The following EVA1A variants were observed in gnomAD, a reference collection of about 807,000 sequenced individuals.
The protein encoded by EVA1A is eva-1 homolog A, regulator of programmed cell death.
In EVA1A, 7 loss-of-function variants were observed where a neutral mutation model predicts 9.8. The observed-to-expected ratio is 0.71, with a 90% CI of 0.41 to 1.34. EVA1A has a LOEUF of 1.34. Among genes scored for constraint, EVA1A ranks in the 40% most tolerant of loss-of-function variants. The probability of loss-of-function intolerance (pLI) is 0.01; values close to 1 mark genes in which losing one functional copy is unlikely to be tolerated. For synonymous variants in EVA1A, 90 were observed against 85.6 expected, an observed-to-expected ratio of 1.05 and a Z score of -0.28; for missense variants, 206 against 205.9, an observed-to-expected ratio of 1.00 and a Z score of 0.00.
intron 1 of EVA1A, among the ~76,000 whole-genome samples, chr2:75,544,244 C>G (rs1274382439): frequency 1.3e-5 from 2 of 152,160 alleles, no homozygotes; most frequent in East Asian, 3.8e-4. Flanking sequence ...CTACCATCAC[C>G]CTGGCCCCCT....
chr2:75,499,855 G>C (rs147992804), intron 3 of EVA1A, among the ~76,000 whole-genome samples: 2 of 152,168 alleles, frequency 1.3e-5, no homozygotes, highest in Non-Finnish European at 2.9e-5. Flanking sequence ...CTGCTCGGCC[G>C]TACTCGAGAT....
intron 1 of EVA1A, among the ~76,000 whole-genome samples, chr2:75,568,707 A>G (rs1185964996): frequency 1.3e-5 from 2 of 152,194 alleles, no homozygotes; most frequent in Non-Finnish European, 2.9e-5. Flanking sequence ...AAGAGCATAC[A>G]ATATTTGGTT....
intron 1 of EVA1A, among the ~76,000 whole-genome samples, chr2:75,529,650 T>G (rs1675574564): frequency 1.3e-5 from 2 of 152,226 alleles, no homozygotes. Flanking sequence ...TGAATGATCT[T>G]TGGGTCAACG....
chr2:75,523,973 G>C (rs1193211623), intron 1 of EVA1A: 1 of 152,082 alleles, frequency 6.6e-6, no homozygotes, highest in East Asian at 1.9e-4. Flanking sequence ...TTGAATCATG[G>C]GGCAGTTACC....
At chr2:75,537,049 C>T (rs6754778) in intron 1 of EVA1A, among the ~76,000 whole-genome samples, 34,542 of 151,954 alleles carry the variant, frequency 0.23, 4,129 homozygotes, top group East Asian at 0.29. Flanking sequence ...AAAATAAAAA[C>T]AATCCTTAGC....
At chr2:75,517,505 C>T (rs1452766693) in intron 3 of EVA1A, among the ~76,000 whole-genome samples, 1 of 152,172 alleles carries the variant, frequency 6.6e-6, no homozygotes, top group Non-Finnish European at 1.5e-5. Context: ...AGGAGAAAAT[C>T]AGCCATCTTA....
chr2:75,517,905 CCTTTCATCT>C, intron 3 of EVA1A, 142 bp downstream of exon 3: 1 of 876,216 alleles, frequency 1.1e-6, no homozygotes. Context: ...AACCTGGAGA[CCTTTCATCT>C]CAAAGCTCAG....
At chr2:75,559,037 C>T (rs1676822434) in intron 1 of EVA1A, among the ~76,000 whole-genome samples, 1 of 152,138 alleles carries the variant, frequency 6.6e-6, no homozygotes, top group Admixed American at 6.5e-5. Context: ...ATCAGCCAAA[C>T]TAGAGCAGAT....
chr2:75,524,187 C>G (rs1675333748), intron 1 of EVA1A: 1 of 152,160 alleles, frequency 6.6e-6, no homozygotes, highest in African/African-American at 2.4e-5. Flanking sequence ...TATAAATTAC[C>G]CAGTCACGGG....
At chr2:75,546,848 A>G (rs1234122675) in intron 1 of EVA1A, among the ~76,000 whole-genome samples, 2 of 151,432 alleles carry the variant, frequency 1.3e-5, no homozygotes, top group Non-Finnish European at 2.9e-5. Flanking sequence ...AAATTTGGAC[A>G]CAGACACACA....
At chr2:75,555,336 T>TCTCTCTCTCTCTCTCTCTCTCTCTCTCCC (rs766586263) in intron 1 of EVA1A, among the ~76,000 whole-genome samples, 1 of 102,850 alleles carries the variant, frequency 9.7e-6, no homozygotes, top group Non-Finnish European at 2.2e-5. Context: ...TCTCTCTCTC[T>TCTCTCTCTCTCTCTCTCTCTCTCTCTCCC]CCCCCATCTC....
chr2:75,547,529 G>A (rs1038681014), intron 1 of EVA1A, among the ~76,000 whole-genome samples: 5 of 152,166 alleles, frequency 3.3e-5, no homozygotes, highest in Non-Finnish European at 5.9e-5. Context: ...TCCCAGATGT[G>A]CGCATGATTC....
intron 1 of EVA1A, among the ~76,000 whole-genome samples, chr2:75,549,597 C>T (rs1026670602): frequency 1.3e-5 from 2 of 152,170 alleles, no homozygotes; most frequent in African/African-American, 2.4e-5. Context: ...CAGTGTCCTC[C>T]AGTACCTTCA....
At chr2:75,502,946 C>A (rs1056654391) in intron 3 of EVA1A, among the ~76,000 whole-genome samples, 2 of 152,200 alleles carry the variant, frequency 1.3e-5, no homozygotes, top group African/African-American at 4.8e-5. Flanking sequence ...CTCACCCCAC[C>A]TATTACATAG....
Position 75,523,717 on chromosome 2 carries a change from G to A in EVA1A, c.-191-1230C>T, listed in dbSNP as rs148801634. Among the ~76,000 whole-genome samples the A allele has an allele frequency of 2.4e-4, 36 of 152,258 alleles. No individual in the cohort carries two copies. The East Asian group carries it at 3.9e-3, about 16-fold the overall frequency. On this transcript the variant is annotated intron_variant, in intron 1 of 3. Coordinates refer to ENST00000393913, the MANE Select transcript of EVA1A (RefSeq NM_001135032.2). The stretch of plus-strand genomic sequence containing the variant: ...CTCTGAATACTGGGTTGTGAACTCC[G>A]TAAGGGCAGGGACCATGCCTTAATT...
intron 2 of EVA1A, chr2:75,518,678 C>T: frequency 2.0e-6 from 2 of 987,624 alleles, no homozygotes; most frequent in Non-Finnish European, 2.4e-6. Flanking sequence ...CCCTGGTTCA[C>T]CTTTGAGGCA....
In EVA1A at chr2:75,522,412, A is replaced by T. The variant is rs941293933; in HGVS notation, c.-116T>A. The T allele has an allele frequency of 6.6e-6, 1 of 152,236 alleles. No homozygotes were observed. The highest frequency in any genetic ancestry group is 1.5e-5 in the Non-Finnish European group (1 of 68,044). The allele number at this position is 152,236 out of a possible 1,614,324, so 9.4% of individuals were successfully genotyped here. On this transcript the variant is annotated 5_prime_UTR_variant, in exon 2 of 4. Coordinates refer to ENST00000393913, the MANE Select transcript of EVA1A (RefSeq NM_001135032.2). ...GAGCAGAGAAGTTTCTGGTAAGAACAGTTCATCTCTGATGATGTTGGCATC... is the reference window on the plus strand; with the variant it reads ...GAGCAGAGAAGTTTCTGGTAAGAACTGTTCATCTCTGATGATGTTGGCATC...
chr2:75,545,534 C>T (rs368401823), intron 1 of EVA1A, among the ~76,000 whole-genome samples: 75 of 152,210 alleles, frequency 4.9e-4, no homozygotes, highest in Middle Eastern at 3.4e-3. Flanking sequence ...TCATTAGGGC[C>T]AGCGTAACTG....
At chr2:75,515,993 C>A (rs765990953) in intron 3 of EVA1A, among the ~76,000 whole-genome samples, 2 of 152,174 alleles carry the variant, frequency 1.3e-5, no homozygotes, top group Non-Finnish European at 2.9e-5. Context: ...TGTGTATTAG[C>A]AAATGTGTTG....
Sources: gnomAD v4.1 joint callset for allele counts (sites outside exome capture counted in the v4.1 genomes callset) on GRCh38, gnomAD v4.1.1 for gene constraint, MANE v1.5 for transcripts, NCBI Gene and HGNC (gene_info 2026-07-23, HGNC 2026-07-21) for gene names.